Variants in CXCL13 observed in about 807,000 individuals in gnomAD.
The protein encoded by CXCL13 is C-X-C motif chemokine 13.
Under a neutral mutation model 12.2 loss-of-function variants are expected in CXCL13, and 7 were observed. The observed-to-expected ratio is 0.57, with a 90% CI of 0.33 to 1.07. The LOEUF (loss-of-function observed/expected upper bound fraction) is 1.07, where lower values mean the gene tolerates loss of function less well. CXCL13 is among the 50% of genes least tolerant of loss of function. The probability of loss-of-function intolerance (pLI) is 0.04; values close to 1 mark genes in which losing one functional copy is unlikely to be tolerated. For synonymous variants in CXCL13, 47 were observed against 42.4 expected, an observed-to-expected ratio of 1.11 and a Z score of -0.42; for missense variants, 113 against 127.4, an observed-to-expected ratio of 0.89 and a Z score of 0.55.
At chr4:77,527,904 T>C (rs754996101) in intron 1 of CXCL13, among the ~76,000 whole-genome samples, 1 of 152,176 alleles carries the variant, frequency 6.6e-6, no homozygotes, top group African/African-American at 2.4e-5. Flanking sequence ...ACATTAGGTA[T>C]ATCTCCTAAT....
intron 1 of CXCL13, among the ~76,000 whole-genome samples, chr4:77,594,485 C>A (rs181431212): frequency 6.6e-6 from 1 of 152,218 alleles, no homozygotes; most frequent in East Asian, 1.9e-4. Context: ...ATTTTAGCAG[C>A]TTGTTATTAG....
intron 1 of CXCL13, among the ~76,000 whole-genome samples, chr4:77,515,959 C>G (rs537000901): frequency 3.3e-5 from 5 of 152,112 alleles, no homozygotes; most frequent in Non-Finnish European, 5.9e-5. Context: ...ATAGATAGCT[C>G]TTATTGTTTT....
chr4:77,527,233 G>C (rs987821247), intron 1 of CXCL13, among the ~76,000 whole-genome samples: 7 of 152,224 alleles, frequency 4.6e-5, no homozygotes, highest in African/African-American at 1.4e-4. Context: ...ATTAAAAAAT[G>C]CTGATGACAC....
At chr4:77,561,628 A>G (rs961649452) in intron 1 of CXCL13, among the ~76,000 whole-genome samples, 1 of 152,236 alleles carries the variant, frequency 6.6e-6, no homozygotes, top group African/African-American at 2.4e-5. Flanking sequence ...AGATGCTCTC[A>G]GAGCCTGCCT....
intron 1 of CXCL13, among the ~76,000 whole-genome samples, chr4:77,525,891 A>G (rs553111126): frequency 8.6e-5 from 13 of 150,822 alleles, no homozygotes; most frequent in Non-Finnish European, 1.5e-4. Context: ...CTTTTAGGCA[A>G]AGGTAGGCTT....
At chr4:77,599,167 G>GA (rs576896320) in intron 1 of CXCL13, among the ~76,000 whole-genome samples, 13 of 151,702 alleles carry the variant, frequency 8.6e-5, no homozygotes, top group South Asian at 6.3e-4. Flanking sequence ...AGAGCTAGAG[G>GA]AAAAAAAACA....
chr4:77,549,604 G>A (rs760512425), intron 1 of CXCL13, among the ~76,000 whole-genome samples: 3 of 152,226 alleles, frequency 2.0e-5, no homozygotes, highest in South Asian at 4.1e-4. Context: ...CTCAGCTGCA[G>A]TTCTTTTGGA....
intron 1 of CXCL13, among the ~76,000 whole-genome samples, chr4:77,567,745 GTATAA>G (rs1725973117): frequency 6.6e-6 from 1 of 152,128 alleles, no homozygotes; most frequent in Admixed American, 6.5e-5. Context: ...CCATGACAGT[GTATAA>G]ATGCCATGGG....
At chr4:77,566,152 ATG>A (rs1301305473) in intron 1 of CXCL13, among the ~76,000 whole-genome samples, 1 of 152,226 alleles carries the variant, frequency 6.6e-6, no homozygotes, top group Non-Finnish European at 1.5e-5. Flanking sequence ...TAATAAAAGT[ATG>A]TGTCAGCAGG....
intron 1 of CXCL13, among the ~76,000 whole-genome samples, chr4:77,550,762 G>T (rs993269327): frequency 1.3e-5 from 2 of 152,104 alleles, no homozygotes; most frequent in Non-Finnish European, 2.9e-5. Context: ...CTTTTCATAG[G>T]TCTAGAACTA....
At position 77,573,362 on chromosome 4, in the gene CXCL13, T is replaced by G. The variant is rs992373604; in HGVS notation, c.-42-32462T>G. ...CCAAGAAAAAAAGCTATTGGGTCTT[T>G]TGTGTGTGTGTGTGTGTGTGTGTGT... On this transcript the variant is annotated intron_variant, in intron 1 of 4. Transcript: ENST00000286758. 3.5e-4 allele frequency among the ~76,000 whole-genome samples: 47 copies of G among 134,988 alleles called. 1 individual carries two copies. Among genetic ancestry groups the G allele is most frequent in the African/African-American group, 1.3e-3 (45 of 35,704 alleles). 88.6% of individuals were successfully genotyped at this position (134,988 alleles called of 152,430 possible). A position where few individuals can be genotyped will look rare whatever the true frequency, so the allele number is the denominator to read the frequency against.
intron 1 of CXCL13, among the ~76,000 whole-genome samples, chr4:77,513,936 C>A (rs1416885300): frequency 6.6e-6 from 1 of 152,050 alleles, no homozygotes; most frequent in African/African-American, 2.4e-5. Context: ...GGTATATCTC[C>A]CAGTGCTATC....
chr4:77,605,590 C>A (rs1299446307), upstream of CXCL13, among the ~76,000 whole-genome samples: 1 of 152,170 alleles, frequency 6.6e-6, no homozygotes, highest in Non-Finnish European at 1.5e-5. Flanking sequence ...TCTCCCCACC[C>A]TCAGATTTCT....
Position 77,562,061 on chromosome 4 carries a change from C to T in CXCL13, c.-42-43763C>T, listed in dbSNP as rs576649324. Among the ~76,000 whole-genome samples, 9 of 152,308 alleles carry T rather than the reference C, an allele frequency of 5.9e-5. No individual in the cohort carries two copies. The South Asian group carries it at 6.2e-4, about 11-fold the overall frequency. Reference sequence around the variant, plus strand: ...GGGTCCCCCAGCAGTGCTGGCCCACCAGGGCTGCGCTCGAATTCTCGCGGG... The same window carrying T: ...GGGTCCCCCAGCAGTGCTGGCCCACTAGGGCTGCGCTCGAATTCTCGCGGG... On this transcript the variant is annotated intron_variant, in intron 1 of 4. Transcript: ENST00000286758.
chr4:77,573,202 G>T (rs111861225), intron 1 of CXCL13, among the ~76,000 whole-genome samples: 3,367 of 151,872 alleles, frequency 0.022, 218 homozygotes, highest in African/African-American at 0.076. Flanking sequence ...GTTTACCTAT[G>T]TAACAAACCT....
intron 1 of CXCL13, among the ~76,000 whole-genome samples, chr4:77,532,113 T>C (rs952818253): frequency 2.0e-5 from 3 of 152,164 alleles, no homozygotes; most frequent in African/African-American, 7.2e-5. Flanking sequence ...TTATTTTGCT[T>C]GTTAGTTGAT....
At chr4:77,522,281 G>A (rs1724621298) in intron 1 of CXCL13, among the ~76,000 whole-genome samples, 1 of 151,698 alleles carries the variant, frequency 6.6e-6, no homozygotes, top group Non-Finnish European at 1.5e-5. Flanking sequence ...ATTGACAGTG[G>A]GGTGTTAAAG....
chr4:77,512,253 A>G (rs1244004432), intron 1 of CXCL13, among the ~76,000 whole-genome samples: 2 of 152,238 alleles, frequency 1.3e-5, no homozygotes, highest in Non-Finnish European at 2.9e-5. Context: ...TAGTTACAGC[A>G]TTAAATAAAT....
At chr4:77,524,723 G>A (rs1253935828) in intron 1 of CXCL13, among the ~76,000 whole-genome samples, 4 of 152,100 alleles carry the variant, frequency 2.6e-5, no homozygotes, top group African/African-American at 9.7e-5. Flanking sequence ...TCTGTGGGCT[G>A]CATCCACTGT....
Sources: allele counts gnomAD v4.1 joint callset (sites outside exome capture counted in the v4.1 genomes callset), GRCh38; gene constraint gnomAD v4.1.1; transcripts MANE v1.5; gene names NCBI Gene and HGNC (gene_info 2026-07-23, HGNC 2026-07-21).